Variants in KIF4A observed in about 807,000 individuals in gnomAD.
KIF4A encodes the protein kinesin family member 4A, also known as chromosome-associated kinesin KIF4A.
KIF4A carries 7 observed loss-of-function variants against 105.9 expected under a neutral mutation model. That is an observed-to-expected ratio of 0.07 (90% CI 0.04 to 0.12). The LOEUF is 0.12. KIF4A is among the 10% of genes least tolerant of loss of function. KIF4A has a pLI of 1.00. For synonymous variants in KIF4A, 281 were observed against 331.3 expected, an observed-to-expected ratio of 0.85 and a Z score of 1.65; for missense variants, 558 against 929.2, an observed-to-expected ratio of 0.60 and a Z score of 5.19.
At chrX:70,333,727 T>C (rs1303734493) in intron 10 of KIF4A, 38 bp downstream of exon 10, 1 of 946,562 alleles carries the variant, frequency 1.1e-6, no homozygotes, top group Admixed American at 2.2e-5. Context: ...TGTATTCTAA[T>C]AGAGGCTATT....
intron 29 of KIF4A, among the ~76,000 whole-genome samples, chrX:70,418,916 C>T (rs1274228211): frequency 9.0e-6 from 1 of 110,731 alleles, no homozygotes; most frequent in Non-Finnish European, 1.9e-5. Context: ...AACCCCGTCT[C>T]TACTAAAAAT....
At chrX:70,322,588 G>A (rs2085895221) in intron 7 of KIF4A, among the ~76,000 whole-genome samples, 1 of 109,654 alleles carries the variant, frequency 9.1e-6, no homozygotes, top group Admixed American at 9.7e-5. Context: ...TGGGATTACA[G>A]GCGTGAGCCA....
intron 15 of KIF4A, among the ~76,000 whole-genome samples, chrX:70,366,698 G>A (rs1443736762): frequency 1.8e-5 from 2 of 111,818 alleles, no homozygotes; most frequent in African/African-American, 3.3e-5. Context: ...AATAGGTGTG[G>A]TGTGGTGCTG....
chrX:70,411,920 C>T (rs920395204), intron 28 of KIF4A, among the ~76,000 whole-genome samples: 2 of 110,263 alleles, frequency 1.8e-5, no homozygotes, highest in African/African-American at 6.6e-5. Context: ...AAAGAGTCCC[C>T]CTATTACTTC....
chrX:70,369,684 A>G (rs1257248169), intron 15 of KIF4A, among the ~76,000 whole-genome samples: 1 of 112,172 alleles, frequency 8.9e-6, no homozygotes, highest in Non-Finnish European at 1.9e-5. Context: ...ATATGCTGAT[A>G]TAAATAAATC....
chrX:70,302,564 C>G (rs1337727591), intron 7 of KIF4A, among the ~76,000 whole-genome samples, 166 bp downstream of exon 7: 1 of 112,227 alleles, frequency 8.9e-6, no homozygotes, highest in Non-Finnish European at 1.9e-5. Flanking sequence ...TTCCCTTGCT[C>G]TCATTCTCTA....
At chrX:70,363,752 T>C (rs1452031748) in intron 15 of KIF4A, among the ~76,000 whole-genome samples, 1 of 112,210 alleles carries the variant, frequency 8.9e-6, no homozygotes, top group Non-Finnish European at 1.9e-5. Flanking sequence ...TTTGGGTATA[T>C]ACCCAGTAAT....
intron 22 of KIF4A, among the ~76,000 whole-genome samples, chrX:70,401,834 A>G (rs893763501): frequency 2.7e-5 from 3 of 112,088 alleles, no homozygotes; most frequent in African/African-American, 9.7e-5. Context: ...TTTGAGAACT[A>G]CAGTCTTAGA....
chrX:70,337,431 G>A (rs758833419), intron 10 of KIF4A, among the ~76,000 whole-genome samples: 76 of 111,768 alleles, frequency 6.8e-4, no homozygotes, highest in Non-Finnish European at 1.3e-3. Context: ...AGCACTTTGG[G>A]AAGCAAAGGT....
chrX:70,376,994 AAGCAAACACTGACAGAAATGG>A (rs1354886714), intron 18 of KIF4A, among the ~76,000 whole-genome samples: 2 of 111,997 alleles, frequency 1.8e-5, no homozygotes, highest in Non-Finnish European at 3.8e-5. Flanking sequence ...AGAATATATG[AAGCAAACACTGACAGAAATGG>A]AGAGAGAAAT....
At chrX:70,302,699 T>C (rs1485748731) in intron 7 of KIF4A, among the ~76,000 whole-genome samples, 1 of 112,017 alleles carries the variant, frequency 8.9e-6, no homozygotes, top group Non-Finnish European at 1.9e-5. Flanking sequence ...GTATCCTGAT[T>C]CTGTCATTTT....
chrX:70,379,067 G>A (rs5936886), intron 18 of KIF4A, among the ~76,000 whole-genome samples: 46,136 of 107,050 alleles, frequency 0.43, 8,346 homozygotes, highest in Non-Finnish European at 0.55. Context: ...GGAGTTTGAG[G>A]GAGGAGAATG....
intron 3 of KIF4A, among the ~76,000 whole-genome samples, chrX:70,294,653 C>G (rs759622610): frequency 8.9e-6 from 1 of 112,746 alleles, no homozygotes; most frequent in South Asian, 3.6e-4. Flanking sequence ...ATATGGCACA[C>G]GACTGTAACA....
chrX:70,349,751 C>T (rs1332356158), intron 13 of KIF4A, among the ~76,000 whole-genome samples: 9 of 69,478 alleles, frequency 1.3e-4, no homozygotes, highest in Non-Finnish European at 2.4e-4. Context: ...CAGGCAGAGG[C>T]GCTCCTCAGT....
chrX:70,416,345 CTTTTT>C (rs376059238), intron 28 of KIF4A, among the ~76,000 whole-genome samples: 1 of 62,760 alleles, frequency 1.6e-5, no homozygotes, highest in Non-Finnish European at 2.8e-5. Context: ...TCTGCACAGT[CTTTTT>C]TTTTTTTTTT....
chrX:70,368,467 A>G (rs1016323436), intron 15 of KIF4A, among the ~76,000 whole-genome samples: 2 of 112,323 alleles, frequency 1.8e-5, no homozygotes, highest in Non-Finnish European at 3.8e-5. Flanking sequence ...TCCTTGTAAC[A>G]GTCAAGACCC....
chrX:70,313,868 C>T (rs919702512), intron 7 of KIF4A, among the ~76,000 whole-genome samples: 1 of 112,418 alleles, frequency 8.9e-6, no homozygotes, highest in African/African-American at 3.2e-5. Context: ...AGCTTCAGAG[C>T]TTCAATTTCC....
intron 4 of KIF4A, among the ~76,000 whole-genome samples, chrX:70,298,321 C>G (rs1298466258): frequency 9.0e-6 from 1 of 110,714 alleles, no homozygotes; most frequent in African/African-American, 3.3e-5. Context: ...GCCTCCAGCT[C>G]CTGCTCAAGC....
rs1467853409 is a variant in KIF4A, at chrX:70,299,541, A to C, written c.516+339A>C. On this transcript the variant is annotated intron_variant, in intron 5 of 30. Coordinates refer to ENST00000374403, the MANE Select transcript of KIF4A (RefSeq NM_012310.5). ...AATTTAAATGAATTAAAATTGAATA[A>C]AATTTTAAAAATTCATTTCCTCAGG... 4.5e-5 allele frequency among the ~76,000 whole-genome samples: 5 copies of C among 111,834 alleles called. No individual in the cohort carries two copies. The Admixed American group carries it at 4.8e-4, about 11-fold the overall frequency.
Sources: gnomAD v4.1 joint callset for allele counts (sites outside exome capture counted in the v4.1 genomes callset) on GRCh38, gnomAD v4.1.1 for gene constraint, MANE v1.5 for transcripts, NCBI Gene and HGNC (gene_info 2026-07-23, HGNC 2026-07-21) for gene names.